The following OSCP1 variants were observed in gnomAD, a reference collection of about 807,000 sequenced individuals.
OSCP1 encodes protein OSCP1.
A neutral mutation model predicts 45.1 loss-of-function variants in OSCP1; 35 were observed. The ratio of observed to expected loss-of-function variants is 0.78; its 90% confidence interval spans 0.59 to 1.03. The LOEUF is 1.03. Among genes scored for constraint, OSCP1 ranks in the 50% least tolerant of loss-of-function variants. OSCP1 has a pLI of 0.00. For synonymous variants in OSCP1, 179 were observed against 180.1 expected (o/e 0.99, Z 0.05); for missense variants, 400 against 470.7 (o/e 0.85, Z 1.39).
intron 1 of OSCP1, among the ~76,000 whole-genome samples, chr1:36,443,473 G>C (rs527679869): frequency 6.6e-6 from 1 of 152,320 alleles, no homozygotes; most frequent in African/African-American, 2.4e-5. Flanking sequence ...CAGTAGGTAA[G>C]GGGAAACTGA....
chr1:36,418,796 C>T (rs546309996), intron 9 of OSCP1, among the ~76,000 whole-genome samples, 195 bp downstream of exon 9: 2 of 151,654 alleles, frequency 1.3e-5, no homozygotes, highest in South Asian at 4.2e-4. Context: ...GGCATATTGG[C>T]GGGCACCTGT....
chr1:36,418,290 A>G (rs1647395086), intron 9 of OSCP1, 35 bp from the exon 10 acceptor site: 1 of 1,605,734 alleles, frequency 6.2e-7, no homozygotes, highest in African/African-American at 1.3e-5. Flanking sequence ...GGGCATGAAG[A>G]GGCTGTGCTG....
intron 5 of OSCP1, 104 bp from the exon 6 acceptor site, chr1:36,423,000 C>T (rs1055095960): frequency 2.5e-5 from 21 of 842,822 alleles, no homozygotes; most frequent in Non-Finnish European, 3.0e-5. Context: ...TACATGCTCT[C>T]CTTCAAGATA....
At chr1:36,439,022 G>C in intron 1 of OSCP1, 112 bp from the exon 2 acceptor site, 1 of 1,204,366 alleles carries the variant, frequency 8.3e-7, no homozygotes, top group South Asian at 1.7e-5. Flanking sequence ...GAATTGGGAT[G>C]CTGTATGCTT....
intron 7 of OSCP1, among the ~76,000 whole-genome samples, chr1:36,420,825 G>C (rs1647574428): frequency 6.6e-6 from 1 of 152,210 alleles, no homozygotes; most frequent in Non-Finnish European, 1.5e-5. Context: ...TTGCAAACCA[G>C]AGATTTTCAT....
At chr1:36,418,711 G>A in intron 9 of OSCP1, 1 of 375,684 alleles carries the variant, frequency 2.7e-6, no homozygotes, top group Non-Finnish European at 4.7e-6. Context: ...GAGGTCAGGA[G>A]TTTAAGACCA....
At chr1:36,436,102 C>T (rs1557560437) in intron 2 of OSCP1, among the ~76,000 whole-genome samples, 1 of 138,382 alleles carries the variant, frequency 7.2e-6, no homozygotes, top group Admixed American at 7.3e-5. Context: ...CTCTCTCTCT[C>T]TATTTTTTTT....
chr1:36,420,260 G>T, intron 8 of OSCP1: 1 of 538,008 alleles, frequency 1.9e-6, no homozygotes. Flanking sequence ...ACGGGCGTGA[G>T]CCACTGCACC....
Position 36,423,347 on chromosome 1 carries a change from A to G in OSCP1, c.620+16T>C, listed in dbSNP as rs373022422. ...TAGCACCCCAAACATAGCTCTGATC[A>G]TTGTTGGGAATTCACCTGATGAGTC... is the stretch of plus-strand genomic sequence containing the variant. On this transcript the variant is annotated intron_variant, in intron 5 of 9. Transcript: ENST00000235532. The G allele has an allele frequency of 4.5e-6, 7 of 1,570,596 alleles. No homozygotes were observed. In the African/African-American group the frequency reaches 9.5e-5, roughly 21 times the overall value.
At chr1:36,431,147 C>T (rs577669039) in intron 4 of OSCP1, among the ~76,000 whole-genome samples, 5 of 152,164 alleles carry the variant, frequency 3.3e-5, no homozygotes, top group African/African-American at 1.2e-4. Flanking sequence ...GGTGGGCATC[C>T]TGGTGGGAAG....
chr1:36,422,485 G>A (rs184973327), intron 6 of OSCP1, among the ~76,000 whole-genome samples: 8 of 152,224 alleles, frequency 5.3e-5, no homozygotes, highest in African/African-American at 9.6e-5. Context: ...TTTACAGAAC[G>A]GATAAGTCTT....
intron 4 of OSCP1, among the ~76,000 whole-genome samples, chr1:36,428,774 A>T (rs1041989658): frequency 6.6e-6 from 1 of 151,982 alleles, no homozygotes; most frequent in African/African-American, 2.4e-5. Context: ...GTGAAACCCC[A>T]TCTCTACTAA....
intron 4 of OSCP1, among the ~76,000 whole-genome samples, chr1:36,427,409 G>A (rs971771889): frequency 1.4e-5 from 2 of 147,048 alleles, no homozygotes; most frequent in African/African-American, 5.0e-5. Flanking sequence ...GGAATCCTCC[G>A]GCCTTGGCCT....
chr1:36,444,683 G>A (rs907886105), intron 1 of OSCP1, among the ~76,000 whole-genome samples: 21 of 152,296 alleles, frequency 1.4e-4, no homozygotes, highest in Admixed American at 1.3e-3. Flanking sequence ...CAGCTGGGGA[G>A]ATCCCAAGAG....
chr1:36,450,042 T>C (rs1056052004), intron 1 of OSCP1, among the ~76,000 whole-genome samples: 3 of 151,548 alleles, frequency 2.0e-5, no homozygotes, highest in African/African-American at 7.3e-5. Flanking sequence ...GGCACCCTAG[T>C]GTCCACTGGG....
At chr1:36,435,350 T>G (rs1006846566) in intron 2 of OSCP1, among the ~76,000 whole-genome samples, 2 of 152,060 alleles carry the variant, frequency 1.3e-5, no homozygotes, top group Non-Finnish European at 2.9e-5. Context: ...TTTTGCTATG[T>G]TGCCCAGGCT....
chr1:36,428,189 CAAA>C (rs71053930), intron 4 of OSCP1: 18,203 of 836,266 alleles, frequency 0.022, no homozygotes, highest in South Asian at 0.041. Flanking sequence ...GACTGCATCT[CAAA>C]AAAAAAAAAA....
intron 2 of OSCP1, among the ~76,000 whole-genome samples, chr1:36,432,996 C>G (rs1325502039): frequency 6.6e-6 from 1 of 152,186 alleles, no homozygotes; most frequent in East Asian, 1.9e-4. Context: ...CTCTTTGGGC[C>G]TGAGTTTTCT....
chr1:36,419,583 CAT>C (rs1276743872), intron 8 of OSCP1, among the ~76,000 whole-genome samples: 1 of 152,150 alleles, frequency 6.6e-6, no homozygotes, highest in Non-Finnish European at 1.5e-5. Context: ...AGGAGGATCA[CAT>C]GAGATAATGC....
Sources: allele counts gnomAD v4.1 joint callset (sites outside exome capture counted in the v4.1 genomes callset), GRCh38; gene constraint gnomAD v4.1.1; transcripts MANE v1.5; gene names NCBI Gene and HGNC (gene_info 2026-07-23, HGNC 2026-07-21).